DMXL2: variants seen among roughly 807,000 people sequenced by gnomAD.
DMXL2 encodes the protein Dmx like 2, also known as dmX-like protein 2.
Under a neutral mutation model 331.1 loss-of-function variants are expected in DMXL2, and 103 were observed. That is an observed-to-expected ratio of 0.31 (90% confidence interval 0.27 to 0.37). The LOEUF is 0.37. Ranked by LOEUF, DMXL2 falls within the 10% of genes least tolerant of loss-of-function variation. The pLI, the probability that DMXL2 is intolerant of heterozygous loss-of-function variation, is 1.00. For synonymous variants in DMXL2, 1,281 were observed against 1,252.1 expected (o/e 1.02, Z -0.49); for missense variants, 3,171 against 3,642.9 (o/e 0.87, Z 3.33).
Position 51,565,098 on chromosome 15 carries a change from C to T in DMXL2, c.354G>A (p.Trp118Ter). Residue 118 changes from tryptophan to a stop codon, truncating the protein, a stop_gained, in exon 4 of 44, where the codon TGG becomes TGA. Coordinates refer to ENST00000560891, the MANE Select transcript of DMXL2 (RefSeq NM_001378457.1). LOFTEE classifies it high-confidence loss of function. ...FLSSVTYNLA[W>*]DPQDNRLLTA... ...ACAATTGCTAAATACCTTGAGGATC[C>T]CATGCTAAGTTGTATGTCACAGAAC... 1 of 1,532,542 alleles carries T rather than the reference C, an allele frequency of 6.5e-7. No homozygotes were observed. The highest frequency in any genetic ancestry group is 8.7e-7 in the Non-Finnish European group (1 of 1,142,902). The allele number at this position is 1,532,542 out of a possible 1,614,324, so 94.9% of individuals were successfully genotyped here.
chr15:51,548,549 T>A (rs2049020188), intron 6 of DMXL2, among the ~76,000 whole-genome samples: 1 of 152,082 alleles, frequency 6.6e-6, no homozygotes, highest in Non-Finnish European at 1.5e-5. Flanking sequence ...GCACATTCTA[T>A]GCAGTGGTTT....
At chr15:51,587,319 TC>T (rs1261048493) in intron 1 of DMXL2, among the ~76,000 whole-genome samples, 1 of 151,540 alleles carries the variant, frequency 6.6e-6, no homozygotes, top group Non-Finnish European at 1.5e-5. Flanking sequence ...CCCTCCCCCG[TC>T]CCCCCACCCC....
chr15:51,611,651 T>G (rs1247880802), intron 1 of DMXL2, among the ~76,000 whole-genome samples: 1 of 152,220 alleles, frequency 6.6e-6, no homozygotes, highest in East Asian at 1.9e-4. Context: ...CAGTACTAAC[T>G]AGGTGGCCTT....
chr15:51,593,058 C>A (rs549180260), intron 1 of DMXL2, among the ~76,000 whole-genome samples: 107 of 152,116 alleles, frequency 7.0e-4, no homozygotes, highest in East Asian at 6.2e-3. Context: ...AAATTCACAC[C>A]TGACAATATT....
At chr15:51,521,048 CG>C (rs1709867791) in intron 13 of DMXL2, among the ~76,000 whole-genome samples, 1 of 151,986 alleles carries the variant, frequency 6.6e-6, no homozygotes, top group African/African-American at 2.4e-5. Flanking sequence ...AAAACATTCA[CG>C]TTTTTTATAC....
chr15:51,536,342 C>T lies in DMXL2; in HGVS notation c.2138G>A (p.Arg713His), dbSNP rs754547956. The change falls in exon 12 of 44, where the codon CGT becomes CAT. Residue 713 changes from arginine to histidine, a missense_variant. Arg to His is a conservative substitution (Grantham distance 29, BLOSUM62 0). This residue lies in a region of DMXL2 where 1,674 missense variants were observed against 1,780.2 expected (regional missense o/e 0.94). Transcript: ENST00000560891. ...SKQPLRNAAT[R>H]TFHDPNAIYS... ...GATTGCATTTGGGTCATGAAATGTA[C>T]GAGTTGCTGCATTTCTAAGAGGTTG... The T allele has an allele frequency of 1.1e-5, 17 of 1,613,688 alleles. No homozygotes were observed. The highest frequency in any genetic ancestry group is 4.0e-5 in the African/African-American group (3 of 74,880).
chr15:51,611,628 C>G (rs1001061637), intron 1 of DMXL2, among the ~76,000 whole-genome samples: 15 of 152,166 alleles, frequency 9.9e-5, no homozygotes, highest in Non-Finnish European at 2.1e-4. Context: ...GTGTTCCAGT[C>G]TTAATTCTAT....
chr15:51,506,675 G>A (rs1028993120), intron 16 of DMXL2, among the ~76,000 whole-genome samples: 3 of 151,622 alleles, frequency 2.0e-5, no homozygotes, highest in Non-Finnish European at 4.4e-5. Context: ...GGATGGTCTC[G>A]ATCTCCTGAC....
chr15:51,485,116 G>A (rs117664874), intron 23 of DMXL2, among the ~76,000 whole-genome samples: 2,972 of 149,594 alleles, frequency 0.02, 126 homozygotes, highest in Admixed American at 0.1. Context: ...ACACTATTAA[G>A]TAAACAAATA....
chr15:51,560,504 CAAAAAAAAAA>C (rs66990182), intron 6 of DMXL2, among the ~76,000 whole-genome samples: 5 of 41,522 alleles, frequency 1.2e-4, no homozygotes, highest in Admixed American at 3.1e-4. Context: ...TTATTTCTAC[CAAAAAAAAAA>C]AAAAAAAAAA....
At chr15:51,530,433 A>G (rs899937127) in intron 13 of DMXL2, among the ~76,000 whole-genome samples, 2 of 152,116 alleles carry the variant, frequency 1.3e-5, no homozygotes, top group Non-Finnish European at 2.9e-5. Context: ...GGCCAACAGC[A>G]AAAAATCTGA....
chr15:51,469,734 G>A (rs1238456654), intron 29 of DMXL2, among the ~76,000 whole-genome samples: 1 of 151,964 alleles, frequency 6.6e-6, no homozygotes, highest in Non-Finnish European at 1.5e-5. Flanking sequence ...GCTTTCATTC[G>A]TGGCAAATAA....
At chr15:51,478,714 G>C (rs534328336) in intron 25 of DMXL2, among the ~76,000 whole-genome samples, 9 of 152,022 alleles carry the variant, frequency 5.9e-5, no homozygotes, top group Non-Finnish European at 1.2e-4. Context: ...AATTTTCAGA[G>C]TTTTTATTTA....
At chr15:51,561,086 G>A (rs1030966216) in intron 6 of DMXL2, among the ~76,000 whole-genome samples, 6 of 151,956 alleles carry the variant, frequency 3.9e-5, no homozygotes, top group African/African-American at 1.4e-4. Flanking sequence ...AAGTCCCCCA[G>A]AAATTAAAAG....
intron 41 of DMXL2, among the ~76,000 whole-genome samples, chr15:51,452,597 A>C (rs1038386379): frequency 2.0e-5 from 3 of 152,140 alleles, no homozygotes; most frequent in African/African-American, 7.2e-5. Flanking sequence ...AAAACAATAG[A>C]CGCTGGCATG....
intron 2 of DMXL2, among the ~76,000 whole-genome samples, chr15:51,574,042 C>G (rs1044729242): frequency 6.6e-6 from 1 of 151,822 alleles, no homozygotes; most frequent in Non-Finnish European, 1.5e-5. Context: ...ATAAAATGGC[C>G]TAATTATACC....
intron 23 of DMXL2, 112 bp from the exon 24 acceptor site, chr15:51,481,735 C>T (rs771804302): frequency 9.8e-7 from 1 of 1,019,740 alleles, no homozygotes; most frequent in Admixed American, 2.9e-5. Flanking sequence ...TAAATATTAA[C>T]CTACGATAGG....
chr15:51,479,667 G>A (rs1194572892), intron 25 of DMXL2, among the ~76,000 whole-genome samples: 1 of 152,194 alleles, frequency 6.6e-6, no homozygotes, highest in African/African-American at 2.4e-5. Flanking sequence ...CATTTAAGGG[G>A]AATGGAGGAT....
chr15:51,460,205 A>C (rs2140243208), intron 33 of DMXL2: 1 of 986,040 alleles, frequency 1.0e-6, no homozygotes, highest in East Asian at 1.1e-4. Flanking sequence ...CAGGGTCCTA[A>C]GGATGGCTGC....
Sources: allele counts gnomAD v4.1 joint callset (sites outside exome capture counted in the v4.1 genomes callset), GRCh38; gene constraint gnomAD v4.1.1; regional missense constraint gnomAD v4.1.1; transcripts MANE v1.5; gene names NCBI Gene and HGNC (gene_info 2026-07-23, HGNC 2026-07-21).